SLC25A21: variants seen among roughly 807,000 people sequenced by gnomAD.
SLC25A21 encodes the protein mitochondrial 2-oxodicarboxylate carrier.
Under a neutral mutation model 43.8 loss-of-function variants are expected in SLC25A21, and 47 were observed. The observed-to-expected ratio is 1.07, with a 90% CI of 0.85 to 1.37. The LOEUF (loss-of-function observed/expected upper bound fraction) is 1.37, where lower values mean the gene tolerates loss of function less well. SLC25A21 is among the 40% of genes most tolerant of loss of function. SLC25A21 has a pLI of 0.00. For synonymous variants in SLC25A21, 131 were observed against 121.3 expected, an observed-to-expected ratio of 1.08 and a Z score of -0.52; for missense variants, 352 against 350.2, an observed-to-expected ratio of 1.00 and a Z score of -0.04.
At position 37,160,101 on chromosome 14, in the gene SLC25A21, C is replaced by A. The variant is rs181362560; in HGVS notation, c.70+12180G>T. Among the ~76,000 whole-genome samples the A allele has an allele frequency of 3.3e-5, 5 of 152,212 alleles. No homozygotes were observed. In the East Asian group the frequency reaches 9.7e-4, roughly 29 times the overall value. On this transcript the variant is annotated intron_variant, in intron 1 of 9. Coordinates refer to ENST00000331299, the MANE Select transcript of SLC25A21 (RefSeq NM_030631.4). Reference sequence around the variant, plus strand: ...GAGGGTGCAGAGCAAAAAGAACTTACACTCTGTTGATGAGAATGTAAACTA... The same window carrying A: ...GAGGGTGCAGAGCAAAAAGAACTTAAACTCTGTTGATGAGAATGTAAACTA...
At chr14:37,130,568 G>T (rs2138905101) in intron 1 of SLC25A21, among the ~76,000 whole-genome samples, 1 of 152,300 alleles carries the variant, frequency 6.6e-6, no homozygotes, top group East Asian at 1.9e-4. Context: ...GTGCATTACT[G>T]TGGCTACAAC....
chr14:36,696,775 T>C (rs1281239379), intron 7 of SLC25A21, among the ~76,000 whole-genome samples: 1 of 152,216 alleles, frequency 6.6e-6, no homozygotes, highest in African/African-American at 2.4e-5. Context: ...CATTTTTTAT[T>C]GCATCTATTT....
At chr14:36,889,975 A>G (rs1891032190) in intron 1 of SLC25A21, among the ~76,000 whole-genome samples, 1 of 152,188 alleles carries the variant, frequency 6.6e-6, no homozygotes, top group Non-Finnish European at 1.5e-5. Flanking sequence ...GTTCTTGTCC[A>G]GGACAGTTTT....
At chr14:36,923,894 A>T (rs1399257731) in intron 1 of SLC25A21, among the ~76,000 whole-genome samples, 1 of 152,250 alleles carries the variant, frequency 6.6e-6, no homozygotes, top group Non-Finnish European at 1.5e-5. Context: ...TTAAAAGAAG[A>T]CATTTATGCA....
chr14:36,712,051 C>T (rs765255665), intron 6 of SLC25A21, among the ~76,000 whole-genome samples: 1 of 152,190 alleles, frequency 6.6e-6, no homozygotes, highest in African/African-American at 2.4e-5. Flanking sequence ...GTGCGTATCA[C>T]TGCTGTGATA....
chr14:36,911,529 T>C (rs1891686112), intron 1 of SLC25A21, among the ~76,000 whole-genome samples: 1 of 152,124 alleles, frequency 6.6e-6, no homozygotes, highest in Non-Finnish European at 1.5e-5. Flanking sequence ...GTATGTGTTA[T>C]ATAAGCAGAG....
At chr14:37,038,620 A>T in intron 1 of SLC25A21, among the ~76,000 whole-genome samples, 1 of 152,196 alleles carries the variant, frequency 6.6e-6, no homozygotes. Flanking sequence ...AATTTGACAC[A>T]AATTCAGGAA....
chr14:37,005,363 A>T (rs376391851), intron 1 of SLC25A21, among the ~76,000 whole-genome samples: 2 of 152,086 alleles, frequency 1.3e-5, no homozygotes, highest in East Asian at 3.9e-4. Context: ...CTTGGTTCCC[A>T]TCTGTAGCCA....
chr14:37,106,942 T>C (rs115591030), intron 1 of SLC25A21, among the ~76,000 whole-genome samples: 3,320 of 152,312 alleles, frequency 0.022, 103 homozygotes, highest in African/African-American at 0.073. Flanking sequence ...GTTCCCCCGA[T>C]AGTTTACAAA....
At chr14:36,763,572 C>T (rs1594564974) in intron 3 of SLC25A21, among the ~76,000 whole-genome samples, 1 of 152,096 alleles carries the variant, frequency 6.6e-6, no homozygotes, top group Admixed American at 6.5e-5. Flanking sequence ...TACTGGACCA[C>T]CTCAGGTATT....
intron 1 of SLC25A21, among the ~76,000 whole-genome samples, chr14:36,971,434 T>C (rs1229346528): frequency 2.0e-5 from 3 of 152,110 alleles, no homozygotes; most frequent in African/African-American, 7.2e-5. Context: ...AAGATGGCGC[T>C]GGCCAAGTAG....
intron 1 of SLC25A21, among the ~76,000 whole-genome samples, chr14:37,041,901 A>T (rs1260537912): frequency 6.6e-6 from 1 of 152,202 alleles, no homozygotes; most frequent in Non-Finnish European, 1.5e-5. Flanking sequence ...GATTGTAAAT[A>T]TTATTCCATC....
At chr14:36,818,471 C>CA (rs1888526649) in intron 2 of SLC25A21, among the ~76,000 whole-genome samples, 1 of 152,162 alleles carries the variant, frequency 6.6e-6, no homozygotes, top group African/African-American at 2.4e-5. Context: ...AAAGGATGGG[C>CA]AGGCATGGTA....
intron 3 of SLC25A21, among the ~76,000 whole-genome samples, chr14:36,782,700 G>A (rs968350802): frequency 1.3e-5 from 2 of 148,550 alleles, no homozygotes; most frequent in Non-Finnish European, 3.0e-5. Flanking sequence ...ACTATCGCAA[G>A]AACAAAAAAC....
At chr14:37,122,900 G>T (rs1371408843) in intron 1 of SLC25A21, among the ~76,000 whole-genome samples, 1 of 152,092 alleles carries the variant, frequency 6.6e-6, no homozygotes, top group Non-Finnish European at 1.5e-5. Context: ...AACACAATTT[G>T]TATGTTTATA....
intron 1 of SLC25A21, among the ~76,000 whole-genome samples, chr14:37,112,863 T>G (rs1963043500): frequency 6.6e-6 from 1 of 152,192 alleles, no homozygotes; most frequent in Non-Finnish European, 1.5e-5. Flanking sequence ...CTTTCTTTTC[T>G]GAGTCACTGT....
At chr14:37,141,507 TTAAAAAAAAAACTGAAATA>T (rs1450783828) in intron 1 of SLC25A21, among the ~76,000 whole-genome samples, 2 of 151,484 alleles carry the variant, frequency 1.3e-5, no homozygotes, top group Admixed American at 1.3e-4. Flanking sequence ...AACTGCGTTT[TTAAAAAAAAAACTGAAATA>T]TAAAAATAAT....
chr14:37,028,252 G>GA lies in SLC25A21; in HGVS notation c.70+144028dup, dbSNP rs147778641. On this transcript the variant is annotated intron_variant, in intron 1 of 9. Coordinates refer to ENST00000331299, the MANE Select transcript of SLC25A21 (RefSeq NM_030631.4). ...TTGGTATACCAATAGTGGTTGAGAA[G>GA]AAAAAAAATTATAATGAAAAAGCAC... 5.9e-5 allele frequency among the ~76,000 whole-genome samples: 9 copies of GA among 151,762 alleles called. No homozygotes were observed. The East Asian group carries it at 9.7e-4, about 16-fold the overall frequency.
intron 1 of SLC25A21, among the ~76,000 whole-genome samples, chr14:36,890,833 G>C (rs1407031074): frequency 6.6e-6 from 1 of 152,114 alleles, no homozygotes; most frequent in African/African-American, 2.4e-5. Flanking sequence ...AACTGTTTAA[G>C]TAATATCCTA....
Sources: allele counts gnomAD v4.1 joint callset (sites outside exome capture counted in the v4.1 genomes callset), GRCh38; gene constraint gnomAD v4.1.1; transcripts MANE v1.5; gene names NCBI Gene and HGNC (gene_info 2026-07-23, HGNC 2026-07-21).